PLEKHA6: variants seen among roughly 807,000 people sequenced by gnomAD.
The protein encoded by PLEKHA6 is pleckstrin homology domain containing A6.
A neutral mutation model predicts 116.7 loss-of-function variants in PLEKHA6; 60 were observed. That is an observed-to-expected ratio of 0.51 (90% CI 0.42 to 0.64). The LOEUF is 0.64. Among genes scored for constraint, PLEKHA6 ranks in the 30% least tolerant of loss-of-function variants. The pLI is 0.00. For missense variants in PLEKHA6, 1,338 were observed against 1,422.7 expected (o/e 0.94, Z 0.96); for synonymous variants, 489 against 556.1 (o/e 0.88, Z 1.70).
At chr1:204,288,588 A>T (rs923910930) in intron 1 of PLEKHA6, among the ~76,000 whole-genome samples, 13 of 152,212 alleles carry the variant, frequency 8.5e-5, no homozygotes, top group African/African-American at 2.9e-4. Context: ...AGACAAAGAT[A>T]GTCACAGCAT....
intron 1 of PLEKHA6, among the ~76,000 whole-genome samples, chr1:204,288,427 T>A (rs1669418078): frequency 6.6e-6 from 1 of 152,222 alleles, no homozygotes; most frequent in South Asian, 2.1e-4. Context: ...CCCGCCTGAT[T>A]GGAGCACACT....
intron 1 of PLEKHA6, among the ~76,000 whole-genome samples, chr1:204,350,441 C>T (rs1673237793): frequency 6.6e-6 from 1 of 152,236 alleles, no homozygotes; most frequent in African/African-American, 2.4e-5. Flanking sequence ...AGCCATGTCT[C>T]TAATTTGTCA....
chr1:204,339,642 G>T lies in PLEKHA6; in HGVS notation c.-95+20052C>A, dbSNP rs185570748. Among the ~76,000 whole-genome samples the T allele has an allele frequency of 9.2e-5, 14 of 152,272 alleles. No homozygotes were observed. The East Asian group carries it at 2.7e-3, about 29-fold the overall frequency. On this transcript the variant is annotated intron_variant, in intron 1 of 22. Transcript: ENST00000272203. ...GAACCCCCAGGGAAATAACTAGGGG[G>T]AAAATCAGTACATGTAAAGACATTT... is the stretch of plus-strand genomic sequence containing the variant.
intron 2 of PLEKHA6, chr1:204,369,607 C>A (rs1673736010): frequency 6.6e-6 from 1 of 152,278 alleles, no homozygotes; most frequent in African/African-American, 2.4e-5. Context: ...GCCTGGGCAA[C>A]ACCAAGAGTG....
At chr1:204,288,366 C>T (rs868527541) in intron 1 of PLEKHA6, among the ~76,000 whole-genome samples, 19 of 152,344 alleles carry the variant, frequency 1.2e-4, no homozygotes, top group Middle Eastern at 3.4e-3. Flanking sequence ...CTGAGTAATG[C>T]TGCCGCCTCC....
intron 1 of PLEKHA6, among the ~76,000 whole-genome samples, chr1:204,327,294 G>A (rs1170416090): frequency 6.6e-6 from 1 of 152,174 alleles, no homozygotes; most frequent in Non-Finnish European, 1.5e-5. Context: ...CACCCACCTG[G>A]CGCTGAGGCC....
In PLEKHA6 at chr1:204,257,754, A is replaced by T; in HGVS notation, c.1123T>A (p.Cys375Ser). ...YPPGVRPESI[C>S]SMPAYDRISP... is the part of the protein sequence containing the mutation. ...ATCCGATCATAGGCCGGCATGGAACAGATGCTCTCCGGCCGCACTCCTGGC... is the reference window on the plus strand; with the variant it reads ...ATCCGATCATAGGCCGGCATGGAACTGATGCTCTCCGGCCGCACTCCTGGC... The change falls in exon 9 of 23, where the codon TGT becomes AGT. Residue 375 changes from cysteine (C) to serine (S), a missense_variant. By Grantham distance (112) the Cys-to-Ser change is moderately radical (BLOSUM62 -1). Coordinates refer to ENST00000272203, the MANE Select transcript of PLEKHA6 (RefSeq NM_014935.5). The surrounding 1 kb of genome is among the most constrained non-coding windows in gnomAD (Gnocchi z 6.5). 1.2e-6 allele frequency: 2 copies of T among 1,613,832 alleles called. No individual in the cohort carries two copies. Among genetic ancestry groups the T allele is most frequent in the Non-Finnish European group, 1.7e-6 (2 of 1,179,888 alleles).
At chr1:204,245,123 T>C in intron 14 of PLEKHA6, 120 bp from the exon 15 acceptor site, 1 of 685,214 alleles carries the variant, frequency 1.5e-6, no homozygotes, top group Non-Finnish European at 2.2e-6. Context: ...AAGGGCAGAT[T>C]TAGTGTCTCA....
At chr1:204,347,207 GCC>G (rs1237481033) in intron 1 of PLEKHA6, 1 of 1,137,218 alleles carries the variant, frequency 8.8e-7, no homozygotes, top group Non-Finnish European at 1.3e-6. Context: ...TTTCTAAAAG[GCC>G]TAGAGAACAT....
At chr1:204,250,348 G>A (rs745859974) in intron 10 of PLEKHA6, among the ~76,000 whole-genome samples, 198 bp downstream of exon 10, 1 of 143,726 alleles carries the variant, frequency 7.0e-6, no homozygotes, top group African/African-American at 2.4e-5. Context: ...AAAGAAGGGG[G>A]ATGAGGAGGA....
chr1:204,312,499 C>T (rs1166407761), intron 1 of PLEKHA6, among the ~76,000 whole-genome samples: 1 of 152,340 alleles, frequency 6.6e-6, no homozygotes, highest in African/African-American at 2.4e-5. Context: ...TTGGGTCTGG[C>T]TCCAGGCCTT....
At chr1:204,229,176 C>T (rs368048765) in intron 18 of PLEKHA6, 72 bp from the exon 19 acceptor site, 2 of 1,455,910 alleles carry the variant, frequency 1.4e-6, no homozygotes, top group Middle Eastern at 2.4e-4. Flanking sequence ...ATGCCCTGTC[C>T]TCGCTTTCCC....
chr1:204,356,338 C>T (rs1047249729), intron 1 of PLEKHA6, among the ~76,000 whole-genome samples: 5 of 152,062 alleles, frequency 3.3e-5, no homozygotes, highest in Non-Finnish European at 5.9e-5. Flanking sequence ...TTTGGGAGGC[C>T]GACGTGGGTG....
Position 204,228,319 on chromosome 1 carries a change from G to A in PLEKHA6, c.2886-91C>T. ...CTGCGGACTGAGGTTGGCAGGGAGG[G>A]CCAGGGCCCCGTGAATGTGCAGTCT... On this transcript the variant is annotated intron_variant, in intron 20 of 22. Transcript: ENST00000272203. The surrounding 1 kb of genome is among the most constrained non-coding windows in gnomAD (Gnocchi z 4.0). 1 of 1,311,946 alleles carries A rather than the reference G, an allele frequency of 7.6e-7. No homozygotes were observed. Among genetic ancestry groups the A allele is most frequent in the Non-Finnish European group, 1.1e-6 (1 of 946,636 alleles). 81.3% of individuals were successfully genotyped at this position (1,311,946 alleles called of 1,614,324 possible).
chr1:204,221,745 A>G lies in PLEKHA6; in HGVS notation c.*1043T>C, dbSNP rs10793758. 77,901 of 152,764 alleles carry G rather than the reference A, an allele frequency of 0.51. 20,150 individuals are homozygous for G. The highest frequency in any genetic ancestry group is 0.6 in the African/African-American group (24,711 of 41,388). 9.5% of individuals were successfully genotyped at this position (152,764 alleles called of 1,614,324 possible). A position where few individuals can be genotyped will look rare whatever the true frequency, so the allele number is the denominator to read the frequency against. On this transcript the variant is annotated 3_prime_UTR_variant, in exon 23 of 23. Transcript: ENST00000272203. ...CAGGATGGCGAGGCAGACACCAGGC[A>G]CAGACCTACTAACAGCCATCTCCCA...
chr1:204,289,498 G>A (rs1669531290), intron 1 of PLEKHA6, among the ~76,000 whole-genome samples: 1 of 152,154 alleles, frequency 6.6e-6, no homozygotes, highest in African/African-American at 2.4e-5. Flanking sequence ...CTGCCAGGGG[G>A]CCTTATCTTA....
intron 15 of PLEKHA6, among the ~76,000 whole-genome samples, chr1:204,242,518 T>C (rs1454562424): frequency 6.6e-6 from 1 of 152,166 alleles, no homozygotes; most frequent in African/African-American, 2.4e-5. Context: ...GATGAGCATA[T>C]GAGTTTTCCA....
intron 1 of PLEKHA6, among the ~76,000 whole-genome samples, chr1:204,331,663 T>C (rs767619795): frequency 4.0e-5 from 6 of 151,810 alleles, no homozygotes; most frequent in Non-Finnish European, 8.8e-5. Flanking sequence ...ATTTCAGAGC[T>C]CAAATTTGCC....
At chr1:204,294,375 T>C (rs1670062409) in intron 1 of PLEKHA6, among the ~76,000 whole-genome samples, 1 of 152,234 alleles carries the variant, frequency 6.6e-6, no homozygotes, top group African/African-American at 2.4e-5. Context: ...CAAGTCATGA[T>C]GCTAGCGAAT....
Sources: gnomAD v4.1 joint callset for allele counts (sites outside exome capture counted in the v4.1 genomes callset) on GRCh38, gnomAD v4.1.1 for gene constraint, Gnocchi (gnomAD v3.1) non-coding constraint, MANE v1.5 for transcripts, NCBI Gene and HGNC (gene_info 2026-07-23, HGNC 2026-07-21) for gene names.